SLC2A10: variants seen among roughly 807,000 people sequenced by gnomAD.
SLC2A10 encodes solute carrier family 2 member 10.
A neutral mutation model predicts 32.1 loss-of-function variants in SLC2A10; 25 were observed. That is an observed-to-expected ratio of 0.78 (90% CI 0.57 to 1.09). SLC2A10 has a LOEUF of 1.09. Ranked by LOEUF, SLC2A10 falls within the 50% of genes least tolerant of loss-of-function variation. The pLI is 0.00. For missense variants in SLC2A10, 673 were observed against 686.5 expected (o/e 0.98, Z 0.22); for synonymous variants, 332 against 309.6 (o/e 1.07, Z -0.76).
intron 1 of SLC2A10, among the ~76,000 whole-genome samples, chr20:46,711,916 A>G (rs1978936254): frequency 6.6e-6 from 1 of 152,182 alleles, no homozygotes; most frequent in Non-Finnish European, 1.5e-5. Flanking sequence ...TATCTGGTAA[A>G]TGGTGAGTGA....
intron 4 of SLC2A10, among the ~76,000 whole-genome samples, chr20:46,732,294 C>CA (rs10624698): frequency 1.8e-4 from 27 of 152,004 alleles, no homozygotes; most frequent in African/African-American, 3.4e-4. Flanking sequence ...GGGGATATAA[C>CA]AAAAAAAATT....
At chr20:46,721,581 G>T (rs1979558506) in intron 1 of SLC2A10, among the ~76,000 whole-genome samples, 1 of 152,092 alleles carries the variant, frequency 6.6e-6, no homozygotes, top group Non-Finnish European at 1.5e-5. Context: ...AAAGAGTATT[G>T]GTTGGCTCAT....
upstream of SLC2A10, among the ~76,000 whole-genome samples, chr20:46,709,291 A>G (rs1008110078): frequency 6.6e-6 from 1 of 151,928 alleles, no homozygotes; most frequent in African/African-American, 2.4e-5. Context: ...GTGTGTGCGC[A>G]CGCTGGGGAG....
intron 1 of SLC2A10, among the ~76,000 whole-genome samples, chr20:46,721,924 G>A (rs2123031463): frequency 6.6e-6 from 1 of 152,300 alleles, no homozygotes; most frequent in Non-Finnish European, 1.5e-5. Flanking sequence ...ATTCCAGGCA[G>A]ACAGAAGAAG....
chr20:46,718,311 T>C (rs1209460423), intron 1 of SLC2A10, among the ~76,000 whole-genome samples: 1 of 152,234 alleles, frequency 6.6e-6, no homozygotes, highest in Non-Finnish European at 1.5e-5. Flanking sequence ...TTTGGATTTC[T>C]GTCTTTTCTC....
At chr20:46,726,475 C>A (rs754551834) in intron 2 of SLC2A10, 151 bp downstream of exon 2, 61 of 1,183,310 alleles carry the variant, frequency 5.2e-5, no homozygotes, top group Admixed American at 3.7e-4. Flanking sequence ...CACTTACCTG[C>A]AGTTGCTCCT....
At chr20:46,712,640 CTTCT>C (rs1568978717) in intron 1 of SLC2A10, among the ~76,000 whole-genome samples, 6 of 139,776 alleles carry the variant, frequency 4.3e-5, no homozygotes, top group African/African-American at 1.3e-4. Flanking sequence ...TTCTTTCTGT[CTTCT>C]TTCTTTCTTT....
At chr20:46,711,292 G>A (rs112449776) in intron 1 of SLC2A10, among the ~76,000 whole-genome samples, 100 of 152,294 alleles carry the variant, frequency 6.6e-4, no homozygotes, top group African/African-American at 2.3e-3. Flanking sequence ...CCAGAGAGGT[G>A]AGGTGAGTTC....
At chr20:46,729,138 G>A (rs192059923) in intron 3 of SLC2A10, among the ~76,000 whole-genome samples, 16 of 152,258 alleles carry the variant, frequency 1.1e-4, no homozygotes, top group African/African-American at 3.6e-4. Flanking sequence ...GTGGACTTGC[G>A]TCCTGGCTCA....
At chr20:46,728,781 C>T (rs1323021665) in intron 3 of SLC2A10, among the ~76,000 whole-genome samples, 1 of 151,678 alleles carries the variant, frequency 6.6e-6, no homozygotes. Context: ...CCATGCCCAG[C>T]TAATTTTTTT....
rs1407919190 is a variant in SLC2A10, at chr20:46,726,026, G to A, written c.990G>A (p.Leu330=). ...AVPMDSGPSC[L]AVPNATGQTG... Reference sequence around the variant, plus strand: ...CCATGGACTCAGGCCCAAGCTGTCTGGCTGTGCCCAATGCCACCGGGCAGA... The same window carrying A: ...CCATGGACTCAGGCCCAAGCTGTCTAGCTGTGCCCAATGCCACCGGGCAGA... The change falls in exon 2 of 5, where the codon CTG becomes CTA. Residue 330 remains leucine (L), a synonymous_variant. Transcript: ENST00000359271. 1.9e-6 allele frequency: 3 copies of A among 1,614,108 alleles called. No homozygotes were observed. Among genetic ancestry groups the A allele is most frequent in the Non-Finnish European group, 2.5e-6 (3 of 1,180,048 alleles).
At position 46,729,894 on chromosome 20, in the gene SLC2A10, T is replaced by C. The variant is rs560807537; in HGVS notation, c.1547+406T>C. Among the ~76,000 whole-genome samples the C allele has an allele frequency of 3.5e-3, 532 of 152,082 alleles. 7 individuals carry two copies. Among genetic ancestry groups the C allele is most frequent in the African/African-American group, 0.012 (506 of 41,468 alleles). ...ATCCGCCCGCCTCGGCCTCCCAAAG[T>C]GCTGAGATTACAAGCGTGAGCCACC... On this transcript the variant is annotated intron_variant, in intron 4 of 4. Coordinates refer to ENST00000359271, the MANE Select transcript of SLC2A10 (RefSeq NM_030777.4).
Position 46,734,488 on chromosome 20 carries a change from T to C in SLC2A10, c.*654T>C, listed in dbSNP as rs895504671. On this transcript the variant is annotated 3_prime_UTR_variant, in exon 5 of 5. Coordinates refer to ENST00000359271, the MANE Select transcript of SLC2A10 (RefSeq NM_030777.4). ...TGGGGTTTCACTGTGTTGGCCAGGC[T>C]GGTCGTGAACTCCTGAGCTCAAGTG... 2 of 155,880 alleles carry C rather than the reference T, an allele frequency of 1.3e-5. No individual in the cohort carries two copies. The highest frequency in any genetic ancestry group is 4.8e-5 in the African/African-American group (2 of 41,454). 9.7% of individuals were successfully genotyped at this position (155,880 alleles called of 1,614,324 possible).
chr20:46,726,240 G>T lies in SLC2A10; in HGVS notation c.1204G>T (p.Ala402Ser). 2 of 1,613,724 alleles carry T rather than the reference G, an allele frequency of 1.2e-6. No individual in the cohort carries two copies. The highest frequency in any genetic ancestry group is 2.2e-5 in the South Asian group (2 of 91,088). ...TGCCCTCCCTGGGCCCCCTCTGCCC[G>T]CTCGGGGGCATGCACTGCTGCGCTG... Reference protein sequence around the residue: ...SSALPGPPLPARGHALLRWTA... With the variant: ...SSALPGPPLPSRGHALLRWTA... The change falls in exon 2 of 5, where the codon GCT (alanine) becomes TCT (serine). Residue 402 changes from alanine (A) to serine (S), a missense_variant. Transcript: ENST00000359271.
At chr20:46,712,651 C>CTTTTTTTTTTTTTTTTTTTTTTTTTTTT (rs11477202) in intron 1 of SLC2A10, among the ~76,000 whole-genome samples, 11 of 94,420 alleles carry the variant, frequency 1.2e-4, no homozygotes, top group East Asian at 3.8e-4. Context: ...TTCTTTCTTT[C>CTTTTTTTTTTTTTTTTTTTTTTTTTTTT]TTTTTTTTTT....
chr20:46,709,706 G>GC lies in SLC2A10; in HGVS notation c.-26dup, dbSNP rs1335581409. 6.5e-7 allele frequency: 1 copy of GC among 1,539,640 alleles called. No homozygotes were observed. The highest frequency in any genetic ancestry group is 2.5e-5 in the East Asian group (1 of 39,812). ...GGGGATGCGCGCCCGGCCCCTCAGC[G>GC]CCCCCAGCACGCCGCCGAGTCCCGC... On this transcript the variant is annotated 5_prime_UTR_variant, in exon 1 of 5. Coordinates refer to ENST00000359271, the MANE Select transcript of SLC2A10 (RefSeq NM_030777.4).
At chr20:46,721,091 CA>C (rs143834663) in intron 1 of SLC2A10, among the ~76,000 whole-genome samples, 2 of 151,866 alleles carry the variant, frequency 1.3e-5, no homozygotes, top group Non-Finnish European at 2.9e-5. Flanking sequence ...TGGGGCTCCC[CA>C]AAAAAACATA....
upstream of SLC2A10, chr20:46,709,501 C>A: frequency 2.2e-6 from 1 of 463,782 alleles, no homozygotes; most frequent in East Asian, 3.8e-5. Context: ...GGGGTCCTTG[C>A]CAGGCCTGGG....
At chr20:46,712,493 C>T (rs1978974221) in intron 1 of SLC2A10, among the ~76,000 whole-genome samples, 1 of 152,150 alleles carries the variant, frequency 6.6e-6, no homozygotes, top group Non-Finnish European at 1.5e-5. Context: ...TAAGGGATTT[C>T]CTCCAGTGTG....
Sources: allele counts gnomAD v4.1 joint callset (sites outside exome capture counted in the v4.1 genomes callset), GRCh38; gene constraint gnomAD v4.1.1; transcripts MANE v1.5; gene names NCBI Gene and HGNC (gene_info 2026-07-23, HGNC 2026-07-21).